Variants in MAPRE2 observed in about 807,000 individuals in gnomAD.
The protein encoded by MAPRE2 is microtubule associated protein RP/EB family member 2, also known as microtubule-associated protein RP/EB family member 2.
A neutral mutation model predicts 43.2 loss-of-function variants in MAPRE2; 13 were observed. That is an observed-to-expected ratio of 0.30 (90% CI 0.20 to 0.48). MAPRE2 has a LOEUF of 0.48. Ranked by LOEUF, MAPRE2 falls within the 20% of genes least tolerant of loss-of-function variation. The pLI is 0.99. For synonymous variants in MAPRE2, 135 were observed against 148.8 expected (o/e 0.91, Z 0.68); for missense variants, 161 against 400.2 (o/e 0.40, Z 5.10).
intron 6 of MAPRE2, among the ~76,000 whole-genome samples, chr18:35,136,178 T>C (rs1910383899): frequency 1.3e-5 from 2 of 152,198 alleles, no homozygotes; most frequent in African/African-American, 2.4e-5. Context: ...CAGATACTTA[T>C]TCTCATTATG....
intron 1 of MAPRE2, among the ~76,000 whole-genome samples, chr18:34,991,945 G>A (rs759086927): frequency 2.6e-5 from 4 of 152,140 alleles, no homozygotes; most frequent in Non-Finnish European, 4.4e-5. Flanking sequence ...TTCTTGTGAG[G>A]CCTAGTGGTG....
chr18:35,113,214 A>C (rs1238955888), intron 4 of MAPRE2, among the ~76,000 whole-genome samples: 1 of 152,226 alleles, frequency 6.6e-6, no homozygotes, highest in East Asian at 1.9e-4. Context: ...GACACTGAAT[A>C]TTTCTGAATT....
intron 6 of MAPRE2, among the ~76,000 whole-genome samples, chr18:35,136,715 C>G (rs149370281): frequency 6.6e-6 from 1 of 152,290 alleles, no homozygotes; most frequent in East Asian, 1.9e-4. Context: ...AGCTAGGAAG[C>G]CAGGAGCTGT....
chr18:35,088,496 C>T (rs989044481), intron 2 of MAPRE2, among the ~76,000 whole-genome samples: 5 of 152,138 alleles, frequency 3.3e-5, no homozygotes, highest in Admixed American at 6.5e-5. Flanking sequence ...CATAGAAAAC[C>T]ACTGTGATAT....
chr18:35,100,923 C>T (rs1189210479), intron 3 of MAPRE2, among the ~76,000 whole-genome samples: 1 of 152,144 alleles, frequency 6.6e-6, no homozygotes, highest in Non-Finnish European at 1.5e-5. Flanking sequence ...CCTGTAATCC[C>T]AGCTACTCGG....
intron 4 of MAPRE2, among the ~76,000 whole-genome samples, chr18:35,104,975 AG>A (rs1400306383): frequency 1.3e-5 from 2 of 152,128 alleles, no homozygotes; most frequent in Non-Finnish European, 2.9e-5. Flanking sequence ...GACAGACCTC[AG>A]AATATTTTCT....
chr18:35,104,804 T>G (rs1404724414), intron 4 of MAPRE2, among the ~76,000 whole-genome samples: 1 of 152,088 alleles, frequency 6.6e-6, no homozygotes, highest in Non-Finnish European at 1.5e-5. Context: ...CTCCAAAGTC[T>G]GGGATTCAGG....
chr18:35,010,395 T>C (rs1323979057), intron 2 of MAPRE2, among the ~76,000 whole-genome samples: 2 of 152,150 alleles, frequency 1.3e-5, no homozygotes, highest in Non-Finnish European at 2.9e-5. Context: ...GCTGGACAAA[T>C]AGCTTGACCT....
chr18:35,027,014 C>T (rs1416858775), intron 2 of MAPRE2, among the ~76,000 whole-genome samples: 4 of 152,196 alleles, frequency 2.6e-5, no homozygotes. Context: ...TTTTCTCTGC[C>T]ATGGGCTTAC....
At chr18:35,081,055 A>T (rs16966418) in intron 2 of MAPRE2, among the ~76,000 whole-genome samples, 4,365 of 152,302 alleles carry the variant, frequency 0.029, 199 homozygotes, top group African/African-American at 0.1. Context: ...TTTCTTCTAG[A>T]TTACATTTGT....
intron 2 of MAPRE2, among the ~76,000 whole-genome samples, chr18:35,013,277 G>C (rs2097035959): frequency 6.6e-6 from 1 of 152,158 alleles, no homozygotes; most frequent in Non-Finnish European, 1.5e-5. Flanking sequence ...TGGGGAAGAA[G>C]AGTTGATTTA....
intron 1 of MAPRE2, among the ~76,000 whole-genome samples, chr18:35,050,237 TTAAA>T (rs1417766388): frequency 1.3e-5 from 2 of 152,200 alleles, no homozygotes; most frequent in Admixed American, 1.3e-4. Context: ...GTTTTTAAAA[TTAAA>T]TAAGTTTCAG....
chr18:35,112,173 T>C (rs753573566), intron 4 of MAPRE2, among the ~76,000 whole-genome samples: 14 of 151,790 alleles, frequency 9.2e-5, no homozygotes, highest in Non-Finnish European at 1.8e-4. Flanking sequence ...CTTTCTTTCT[T>C]TCCTTCCTTC....
chr18:35,052,167 A>G (rs956311461), intron 1 of MAPRE2, among the ~76,000 whole-genome samples: 3 of 152,162 alleles, frequency 2.0e-5, no homozygotes, highest in African/African-American at 7.2e-5. Flanking sequence ...TGAAGCCATC[A>G]CCACAGTCAA....
chr18:34,978,969 T>G (rs201334425), intron 1 of MAPRE2, among the ~76,000 whole-genome samples: 2 of 152,178 alleles, frequency 1.3e-5, no homozygotes, highest in East Asian at 3.8e-4. Context: ...GGTAACTTCA[T>G]TGTGCAGCCA....
chr18:34,997,915 ATT>A (rs1431196533), intron 1 of MAPRE2, among the ~76,000 whole-genome samples: 4 of 152,238 alleles, frequency 2.6e-5, no homozygotes, highest in Non-Finnish European at 4.4e-5. Context: ...AACAAGTATA[ATT>A]ACTAAAGGAA....
At chr18:34,983,696 C>T (rs1459191926) in intron 1 of MAPRE2, among the ~76,000 whole-genome samples, 2 of 152,186 alleles carry the variant, frequency 1.3e-5, no homozygotes, top group African/African-American at 2.4e-5. Context: ...ATGGTACTGT[C>T]TTGGCTCACT....
At chr18:35,121,526 T>A (rs1468877143) in intron 4 of MAPRE2, among the ~76,000 whole-genome samples, 1 of 152,168 alleles carries the variant, frequency 6.6e-6, no homozygotes, top group South Asian at 2.1e-4. Flanking sequence ...GTAGAAAAGC[T>A]TGAGGGCAAA....
chr18:35,116,830 G>A (rs925443583), intron 4 of MAPRE2, among the ~76,000 whole-genome samples: 1 of 152,164 alleles, frequency 6.6e-6, no homozygotes, highest in Non-Finnish European at 1.5e-5. Context: ...CACTCAAGGG[G>A]AGGCTATCAT....
Sources: gnomAD v4.1 joint callset for allele counts (sites outside exome capture counted in the v4.1 genomes callset) on GRCh38, gnomAD v4.1.1 for gene constraint, MANE v1.5 for transcripts, NCBI Gene and HGNC (gene_info 2026-07-23, HGNC 2026-07-21) for gene names.